GALNT13: variants seen among roughly 807,000 people sequenced by gnomAD.
GALNT13 encodes UDP-GalNAc:polypeptide N-acetylgalactosaminyltransferase 13.
GALNT13 carries 28 observed loss-of-function variants against 64.2 expected under a neutral mutation model. That is an observed-to-expected ratio of 0.44 (90% CI 0.32 to 0.60). GALNT13 has a LOEUF of 0.60. GALNT13 is among the 20% of genes least tolerant of loss of function. The probability of loss-of-function intolerance (pLI) is 0.05; values close to 1 mark genes in which losing one functional copy is unlikely to be tolerated. For synonymous variants in GALNT13, 214 were observed against 224.6 expected (o/e 0.95, Z 0.42); for missense variants, 577 against 669.8 (o/e 0.86, Z 1.53).
intron 11 of GALNT13, among the ~76,000 whole-genome samples, chr2:154,416,453 A>G (rs1333079584): frequency 2.6e-5 from 4 of 151,634 alleles, no homozygotes; most frequent in Non-Finnish European, 5.9e-5. Context: ...TTCTAATGCT[A>G]TCACCCTGGG....
At chr2:154,403,279 C>T (rs761660233) in intron 10 of GALNT13, among the ~76,000 whole-genome samples, 52 of 152,056 alleles carry the variant, frequency 3.4e-4, no homozygotes, top group Non-Finnish European at 5.6e-4. Context: ...ATGGTAAAAC[C>T]GCATTTCTAT....
the GALNT13 span, among the ~76,000 whole-genome samples, chr2:153,405,118 G>A: frequency 6.6e-6 from 1 of 152,104 alleles, no homozygotes; most frequent in Admixed American, 6.6e-5. Context: ...GAAGTAAAAA[G>A]GGACTAGAAA....
At chr2:154,412,567 C>T (rs1427195084) in intron 11 of GALNT13, among the ~76,000 whole-genome samples, 32 of 150,666 alleles carry the variant, frequency 2.1e-4, no homozygotes, top group Middle Eastern at 3.4e-3. Flanking sequence ...TTTTGTTTGT[C>T]AACAATTATA....
chr2:154,030,146 A>G (rs1424216866), intron 3 of GALNT13, among the ~76,000 whole-genome samples: 1 of 132,094 alleles, frequency 7.6e-6, no homozygotes, highest in Non-Finnish European at 1.8e-5. Flanking sequence ...AAAGAAATTA[A>G]GGAGGATTTA....
chr2:153,491,812 G>T, the GALNT13 span, among the ~76,000 whole-genome samples: 1 of 151,786 alleles, frequency 6.6e-6, no homozygotes. Context: ...GTAGAGACAG[G>T]GTTTCACCAT....
chr2:154,452,464 T>C lies in GALNT13; in HGVS notation c.*1913T>C, dbSNP rs866021326. 4 of 152,128 alleles carry C rather than the reference T, an allele frequency of 2.6e-5. No individual in the cohort carries two copies. Among genetic ancestry groups the C allele is most frequent in the Admixed American group, 1.3e-4 (2 of 15,256 alleles). 9.4% of individuals were successfully genotyped at this position (152,128 alleles called of 1,614,324 possible). On this transcript the variant is annotated 3_prime_UTR_variant, in exon 13 of 13. Transcript: ENST00000392825. ...ACCCTGCACAGCATTATTACTTAAGTTGAAAAAGCTTCAACTCTCAAGGAC... is the reference window on the plus strand; with the variant it reads ...ACCCTGCACAGCATTATTACTTAAGCTGAAAAAGCTTCAACTCTCAAGGAC...
the GALNT13 span, among the ~76,000 whole-genome samples, chr2:153,512,830 T>C: frequency 1.3e-5 from 2 of 152,220 alleles, no homozygotes; most frequent in South Asian, 4.1e-4. Context: ...GAAAAACAGA[T>C]GCCTGGCAAA....
intron 3 of GALNT13, among the ~76,000 whole-genome samples, chr2:154,052,061 A>C (rs1462123077): frequency 6.6e-6 from 1 of 152,116 alleles, no homozygotes; most frequent in African/African-American, 2.4e-5. Flanking sequence ...CAGCTCCCCA[A>C]ATTCAACCTG....
chr2:154,084,114 T>C (rs1005271402), intron 3 of GALNT13, among the ~76,000 whole-genome samples: 1 of 151,870 alleles, frequency 6.6e-6, no homozygotes, highest in Non-Finnish European at 1.5e-5. Context: ...TGCCACAGAG[T>C]TAGTATTTTT....
chr2:154,242,137 A>C lies in GALNT13; in HGVS notation c.419A>C (p.Asn140Thr). The C allele has an allele frequency of 1.2e-6, 2 of 1,613,316 alleles. No individual in the cohort carries two copies. Among genetic ancestry groups the C allele is most frequent in the Non-Finnish European group, 1.7e-6 (2 of 1,179,558 alleles). Residue 140 changes from asparagine to threonine, a missense_variant, in exon 5 of 13, where the codon AAT becomes ACT. Asn to Thr is a moderately conservative substitution (Grantham distance 65). Around this residue, in one of 3 missense-constraint regions of GALNT13, gnomAD observed 341 missense variants for 379.3 expected, o/e 0.90. Coordinates refer to ENST00000392825, the MANE Select transcript of GALNT13 (RefSeq NM_052917.4). Reference sequence around the variant, plus strand: ...CTTAGAACTGTTTACAGTGTGATAAATCGTTCCCCACACTATCTACTCTCA... The same window carrying C: ...CTTAGAACTGTTTACAGTGTGATAACTCGTTCCCCACACTATCTACTCTCA... ...TLLRTVYSVI[N>T]RSPHYLLSEV...
the GALNT13 span, among the ~76,000 whole-genome samples, chr2:153,344,570 C>G: frequency 6.6e-6 from 1 of 151,924 alleles, no homozygotes; most frequent in Non-Finnish European, 1.5e-5. Context: ...ATAAGCATTC[C>G]CCAGCTTTTT....
At chr2:153,301,877 T>TTGTGTGTG in the GALNT13 span, among the ~76,000 whole-genome samples, 625 of 146,164 alleles carry the variant, frequency 4.3e-3, 7 homozygotes, top group African/African-American at 0.013. Context: ...GTATTCCACT[T>TTGTGTGTG]TGTGTGTGTG....
At chr2:153,165,926 G>A in the GALNT13 span, among the ~76,000 whole-genome samples, 2 of 152,110 alleles carry the variant, frequency 1.3e-5, no homozygotes, top group Non-Finnish European at 2.9e-5. Context: ...TCAGGGCAGG[G>A]GAAATATAAT....
intron 9 of GALNT13, among the ~76,000 whole-genome samples, chr2:154,351,867 TA>T (rs1432225926): frequency 6.6e-6 from 1 of 152,086 alleles, no homozygotes; most frequent in Admixed American, 6.6e-5. Context: ...TATATGCATA[TA>T]AAAAGGAAGA....
the GALNT13 span, among the ~76,000 whole-genome samples, chr2:153,721,777 T>C: frequency 0.12 from 17,898 of 149,068 alleles, 1,903 homozygotes; most frequent in African/African-American, 0.28. Context: ...TATATATGCA[T>C]CCAATACAGG....
At chr2:153,393,940 C>T in the GALNT13 span, among the ~76,000 whole-genome samples, 1 of 143,302 alleles carries the variant, frequency 7.0e-6, no homozygotes, top group Non-Finnish European at 1.5e-5. Flanking sequence ...TTCTCTGTCT[C>T]TCTGTCTACA....
the GALNT13 span, among the ~76,000 whole-genome samples, chr2:153,536,778 A>G: frequency 1.3e-5 from 2 of 152,248 alleles, no homozygotes; most frequent in Non-Finnish European, 2.9e-5. Flanking sequence ...AAATTTTAAA[A>G]TAGTGTGCTA....
chr2:153,455,588 C>T, the GALNT13 span, among the ~76,000 whole-genome samples: 6 of 152,174 alleles, frequency 3.9e-5, no homozygotes, highest in South Asian at 2.1e-4. Flanking sequence ...GCTGAAGTGC[C>T]GGCTGGAGTG....
At chr2:153,870,042 A>G (rs1274503900), upstream of GALNT13, among the ~76,000 whole-genome samples, 2 of 151,980 alleles carry the variant, frequency 1.3e-5, no homozygotes, top group African/African-American at 4.8e-5. Context: ...TAAGTATGCC[A>G]CACCAGACAA....
Sources: allele counts gnomAD v4.1 joint callset (sites outside exome capture counted in the v4.1 genomes callset), GRCh38; gene constraint gnomAD v4.1.1; regional missense constraint gnomAD v4.1.1; transcripts MANE v1.5; gene names NCBI Gene and HGNC (gene_info 2026-07-23, HGNC 2026-07-21).